GRIN3B: variants seen among roughly 807,000 people sequenced by gnomAD.
The protein encoded by GRIN3B is glutamate receptor ionotropic, NMDA 3B.
In GRIN3B, 77 loss-of-function variants were observed where a neutral mutation model predicts 66.0. That is an observed-to-expected ratio of 1.17 (90% CI 0.97 to 1.41). GRIN3B has a LOEUF of 1.41. Ranked by LOEUF, GRIN3B falls within the 40% of genes most tolerant of loss-of-function variation. The probability of loss-of-function intolerance (pLI) is 0.00; values close to 1 mark genes in which losing one functional copy is unlikely to be tolerated. For synonymous variants in GRIN3B, 823 were observed against 749.7 expected (o/e 1.10, Z -1.60); for missense variants, 1,787 against 1,564.5 (o/e 1.14, Z -2.40).
Position 1,000,830 on chromosome 19 carries a change from GCGGCGGGAGGCGCGCGCGCCCCT to G in GRIN3B, c.397_419del (p.Arg133SerfsTer89). On this transcript the variant is annotated frameshift_variant, in exon 1 of 9. Coordinates refer to ENST00000234389, the MANE Select transcript of GRIN3B (RefSeq NM_138690.3). LOFTEE classifies it high-confidence loss of function. ...CCGAGACCCCCGTGCTCAGCCTGCTGCGGCGGGAGGCGCGCGCGCCCCTCGGAGCCCCGGTACGCGGGACGCCC... is the reference window on the plus strand; with the variant it reads ...CCGAGACCCCCGTGCTCAGCCTGCTGCGGAGCCCCGGTACGCGGGACGCCC... 6.9e-7 allele frequency: 1 copy of G among 1,439,380 alleles called. No homozygotes were observed. Among genetic ancestry groups the G allele is most frequent in the Non-Finnish European group, 9.1e-7 (1 of 1,102,976 alleles). 89.2% of individuals were successfully genotyped at this position (1,439,380 alleles called of 1,614,324 possible).
rs545736648 is a variant in GRIN3B, at chr19:1,007,861, A to AC, written c.2211dup (p.Lys738GlnfsTer34). On this transcript the variant is annotated frameshift_variant, in exon 5 of 9. Transcript: ENST00000234389. LOFTEE classifies it high-confidence loss of function. The surrounding 1 kb of genome is among the most constrained non-coding windows in gnomAD (Gnocchi z 4.4). ...CCCGCCCCCGGCCCCAGCAGGAGCG[A>AC]CCCCCCCAAGCTCAACGCCTTCATC... 9.8e-4 allele frequency: 1,482 copies of AC among 1,515,508 alleles called. 1 individual carries two copies. Among genetic ancestry groups the AC allele is most frequent in the African/African-American group, 2.5e-3 (179 of 72,476 alleles). The allele number at this position is 1,515,508 out of a possible 1,614,324, so 93.9% of individuals were successfully genotyped here. A position where few individuals can be genotyped will look rare whatever the true frequency, so the allele number is the denominator to read the frequency against.
rs566529332 is a variant in GRIN3B at position 1,005,544 on chromosome 19, C to T, written c.2043C>T (p.His681=). The T allele has an allele frequency of 1.4e-5, 22 of 1,598,522 alleles. No individual in the cohort carries two copies. The highest frequency in any genetic ancestry group is 2.2e-5 in the East Asian group (1 of 44,510). ...CCTTCGAGGAGCTGTCGGGGATCCA[C>T]GACCCCAAGGTGGGCGGCCTCGGGG... ...DKTFEELSGI[H]DPKLHHPAQG... is the part of the protein sequence containing the mutation. The change falls in exon 3 of 9, where the codon CAC becomes CAT. Residue 681 remains histidine, a synonymous_variant. Coordinates refer to ENST00000234389, the MANE Select transcript of GRIN3B (RefSeq NM_138690.3). The surrounding 1 kb of genome is among the most constrained non-coding windows in gnomAD (Gnocchi z 5.2).
At chr19:1,002,813 G>A in intron 1 of GRIN3B, 1 of 294,626 alleles carries the variant, frequency 3.4e-6, no homozygotes, top group East Asian at 5.4e-5. Flanking sequence ...GGTTTTGAAG[G>A]ATGTGTAGGA....
chr19:1,007,646 G>A lies in GRIN3B; in HGVS notation c.2071G>A (p.Gly691Ser). ...CGCGCAGCTGCACCACCCGGCGCAG[G>A]GCTTCCGCTTCGGCACCGTGTGGGA... ...HDPKLHHPAQ[G>S]FRFGTVWESS... The change falls in exon 4 of 9, where the codon GGC becomes AGC. Residue 691 changes from glycine to serine, a missense_variant. Transcript: ENST00000234389. This position sits in a 1 kb window ranked among gnomAD's most constrained non-coding sequence, Gnocchi z 4.4. 1.3e-6 allele frequency: 2 copies of A among 1,523,098 alleles called. No homozygotes were observed. The highest frequency in any genetic ancestry group is 1.8e-6 in the Non-Finnish European group (2 of 1,138,110). The allele number at this position is 1,523,098 out of a possible 1,614,324, so 94.3% of individuals were successfully genotyped here.
At chr19:1,003,059 C>G in intron 1 of GRIN3B, 71 bp from the exon 2 acceptor site, 1 of 1,132,552 alleles carries the variant, frequency 8.8e-7, no homozygotes, top group South Asian at 1.8e-5. Flanking sequence ...GCGGATCACC[C>G]GCTGCTGGGG....
rs1337838530 is a variant in GRIN3B at position 1,005,465 on chromosome 19, T to C, written c.1964T>C (p.Leu655Pro). The change falls in exon 3 of 9, where the codon CTG (leucine) becomes CCG (proline). Residue 655 changes from leucine to proline, a missense_variant. Physicochemically the swap from Leu to Pro is moderately conservative, Grantham distance 98. Transcript: ENST00000234389. The surrounding 1 kb of genome is among the most constrained non-coding windows in gnomAD (Gnocchi z 5.2). ...LMNLWAIFCL[L>P]VLSSYTANLA... ...AACCTCTGGGCCATCTTCTGCCTGC[T>C]GGTGCTGTCCAGCTACACGGCCAAC... 6.2e-7 allele frequency: 1 copy of C among 1,613,470 alleles called. No individual in the cohort carries two copies. The highest frequency in any genetic ancestry group is 1.7e-5 in the Admixed American group (1 of 60,020).
chr19:1,000,613 G>C lies in GRIN3B; in HGVS notation c.176G>C (p.Arg59Pro). The change falls in exon 1 of 9, where the codon CGG becomes CCG. Residue 59 changes from arginine (R) to proline (P), a missense_variant. By Grantham distance (103) the Arg-to-Pro change is moderately radical (BLOSUM62 -2). Transcript: ENST00000234389. ...GCCCGCGCCCGCGCCGCCCTGGCCC[G>C]GGCCGCCCTGGCGCCGCGGCTGCCG... ...ARARARAALA[R>P]AALAPRLPHN... 3 of 1,118,850 alleles carry C rather than the reference G, an allele frequency of 2.7e-6. No homozygotes were observed. Among genetic ancestry groups the C allele is most frequent in the Non-Finnish European group, 3.3e-6 (3 of 918,726 alleles). 69.3% of individuals were successfully genotyped at this position (1,118,850 alleles called of 1,614,324 possible). A position where few individuals can be genotyped will look rare whatever the true frequency, so the allele number is the denominator to read the frequency against.
Position 1,008,839 on chromosome 19 carries a change from G to T in GRIN3B, c.2632-18G>T. On this transcript the variant is annotated intron_variant, in intron 7 of 8. Transcript: ENST00000234389. ...CCCCCCCCGCCTCCTCGCCAACCGGGTCTGTCTGGGGTCTTAGAAAATCCA... is the reference window on the plus strand; with the variant it reads ...CCCCCCCCGCCTCCTCGCCAACCGGTTCTGTCTGGGGTCTTAGAAAATCCA... 6.2e-7 allele frequency: 1 copy of T among 1,601,560 alleles called. No homozygotes were observed. The highest frequency in any genetic ancestry group is 2.3e-5 in the East Asian group (1 of 44,060).
chr19:1,005,098 AG>A lies in GRIN3B; in HGVS notation c.1598del (p.Ser533IlefsTer114), dbSNP rs2038731920. 1 of 1,612,444 alleles carries A rather than the reference AG, an allele frequency of 6.2e-7. No homozygotes were observed. Among genetic ancestry groups the A allele is most frequent in the African/African-American group, 1.3e-5 (1 of 74,926 alleles). Reference sequence around the variant, plus strand: ...GGCCCACATGGCGGTCACCAGCTTCAGTATCAACTCCGCCCGCTCACAGGTG... The same window carrying A: ...GGCCCACATGGCGGTCACCAGCTTCATATCAACTCCGCCCGCTCACAGGTG... The part of the protein sequence containing the change: ...GRAHMAVTSF[S>X]INSARSQVVD... On this transcript the variant is annotated frameshift_variant, in exon 3 of 9. Transcript: ENST00000234389. LOFTEE classifies it high-confidence loss of function. This position sits in a 1 kb window ranked among gnomAD's most constrained non-coding sequence, Gnocchi z 5.2.
intron 2 of GRIN3B, among the ~76,000 whole-genome samples, 148 bp from the exon 3 acceptor site, chr19:1,004,360 TTAGGCTTGGGGAC>T (rs1182449781): frequency 4.0e-5 from 6 of 151,682 alleles, no homozygotes; most frequent in Non-Finnish European, 7.4e-5. Flanking sequence ...GATCAAGGGG[TTAGGCTTGGGGAC>T]TAGGCTTGGG....
chr19:1,004,519 A>G lies in GRIN3B; in HGVS notation c.1020-2A>G, dbSNP rs1338116917. 1 of 1,348,264 alleles carries G rather than the reference A, an allele frequency of 7.4e-7. No homozygotes were observed. The highest frequency in any genetic ancestry group is 1.5e-5 in the African/African-American group (1 of 66,896). The allele number at this position is 1,348,264 out of a possible 1,614,324, so 83.5% of individuals were successfully genotyped here. A position where few individuals can be genotyped will look rare whatever the true frequency, so the allele number is the denominator to read the frequency against. On this transcript the variant is annotated splice_acceptor_variant, in intron 2 of 8. Coordinates refer to ENST00000234389, the MANE Select transcript of GRIN3B (RefSeq NM_138690.3). LOFTEE classifies it high-confidence loss of function. ...CTGACACCCCCCCCGCCCTGCCCCTAGGTTCCTGGCCAACACGTCCTTCCA... is the reference window on the plus strand; with the variant it reads ...CTGACACCCCCCCCGCCCTGCCCCTGGGTTCCTGGCCAACACGTCCTTCCA...
chr19:1,009,385 C>T lies in GRIN3B; in HGVS notation c.2915C>T (p.Ala972Val). Residue 972 changes from alanine to valine, a missense_variant, in exon 9 of 9, where the codon GCA (alanine) becomes GTA (valine). Ala to Val is a moderately conservative substitution (Grantham distance 64). Coordinates refer to ENST00000234389, the MANE Select transcript of GRIN3B (RefSeq NM_138690.3). ...TGCTCCTACGGCCGCCCGCCCGCCG[C>T]AAGGCCCACGGGGGCCCCCCAGCCC... is the stretch of plus-strand genomic sequence containing the variant. ...WLCSYGRPPA[A>V]RPTGAPQPGE... The T allele has an allele frequency of 1.4e-6, 2 of 1,389,140 alleles. No individual in the cohort carries two copies. The highest frequency in any genetic ancestry group is 3.1e-5 in the South Asian group (2 of 65,022). The allele number at this position is 1,389,140 out of a possible 1,614,324, so 86.1% of individuals were successfully genotyped here. A position where few individuals can be genotyped will look rare whatever the true frequency, so the allele number is the denominator to read the frequency against.
Position 1,003,480 on chromosome 19 carries a change from G to A in GRIN3B, c.777G>A (p.Leu259=). 2.0e-6 allele frequency: 3 copies of A among 1,537,978 alleles called. No individual in the cohort carries two copies. Among genetic ancestry groups the A allele is most frequent in the East Asian group, 4.9e-5 (2 of 41,066 alleles). The change falls in exon 2 of 9, where the codon CTG becomes CTA. Residue 259 remains leucine (L), a synonymous_variant. Coordinates refer to ENST00000234389, the MANE Select transcript of GRIN3B (RefSeq NM_138690.3). ...CCGTACCTCCCGGCCCCCACTGGCT[G>A]TTGGGGACACCACTGCCGCCCAAGG... ...LEAVPPGPHW[L]LGTPLPPKAL... is the part of the protein sequence containing the mutation.
intron 6 of GRIN3B, 36 bp from the exon 7 acceptor site, chr19:1,008,582 C>T (rs1402822044): frequency 1.9e-6 from 3 of 1,579,790 alleles, no homozygotes; most frequent in South Asian, 1.1e-5. Context: ...CCTGCCATTA[C>T]GTGACCGTGC....
In GRIN3B at chr19:1,009,185, G is replaced by A. The variant is rs2038806416; in HGVS notation, c.2715G>A (p.Val905=). 6.8e-7 allele frequency: 1 copy of A among 1,473,742 alleles called. No individual in the cohort carries two copies. Among genetic ancestry groups the A allele is most frequent in the South Asian group, 1.3e-5 (1 of 74,790 alleles). The allele number at this position is 1,473,742 out of a possible 1,614,324, so 91.3% of individuals were successfully genotyped here. Residue 905 remains valine, a synonymous_variant, in exon 9 of 9, where the codon GTG becomes GTA. Coordinates refer to ENST00000234389, the MANE Select transcript of GRIN3B (RefSeq NM_138690.3). ...GTTCCGTCCCCAGCGGCCCCGAGGTGGAGCAGCAGCAGCAGCAGCAGGACC... is the reference window on the plus strand; with the variant it reads ...GTTCCGTCCCCAGCGGCCCCGAGGTAGAGCAGCAGCAGCAGCAGCAGGACC... ...TAEAEPSGPE[V]EQQQQQQDQP...
intron 1 of GRIN3B, among the ~76,000 whole-genome samples, chr19:1,001,256 C>G (rs1349354095): frequency 1.3e-5 from 2 of 152,004 alleles, no homozygotes; most frequent in Non-Finnish European, 2.9e-5. Context: ...CTGGTCCCCA[C>G]CCGGCTCTGG....
At position 1,003,468 on chromosome 19, in the gene GRIN3B, C is replaced by A. The variant is rs1449136035; in HGVS notation, c.765C>A (p.Gly255=). 6.5e-7 allele frequency: 1 copy of A among 1,538,134 alleles called. No homozygotes were observed. Among genetic ancestry groups the A allele is most frequent in the Non-Finnish European group, 8.7e-7 (1 of 1,147,010 alleles). Residue 255 remains glycine, a synonymous_variant, in exon 2 of 9, where the codon GGC becomes GGA. Coordinates refer to ENST00000234389, the MANE Select transcript of GRIN3B (RefSeq NM_138690.3). ...GGGTGCTGGAGGCCGTACCTCCCGGCCCCCACTGGCTGTTGGGGACACCAC... is the reference window on the plus strand; with the variant it reads ...GGGTGCTGGAGGCCGTACCTCCCGGACCCCACTGGCTGTTGGGGACACCAC... ...ARRVLEAVPP[G]PHWLLGTPLP...
At chr19:1,008,030 T>G in intron 5 of GRIN3B, 59 bp downstream of exon 5, 2 of 1,588,588 alleles carry the variant, frequency 1.3e-6, no homozygotes, top group East Asian at 4.5e-5. Flanking sequence ...CTGGGGGCAG[T>G]GGGGAGCCAC....
rs139902127 is a variant in GRIN3B at position 1,008,129 on chromosome 19, C to T, written c.2315-11C>T. The T allele has an allele frequency of 2.1e-4, 331 of 1,583,500 alleles. 1 individual carries two copies. The highest frequency in any genetic ancestry group is 2.6e-4 in the Non-Finnish European group (299 of 1,164,988). On this transcript the variant is annotated splice_polypyrimidine_tract_variant and intron_variant, in intron 5 of 8. Coordinates refer to ENST00000234389, the MANE Select transcript of GRIN3B (RefSeq NM_138690.3). Reference sequence around the variant, plus strand: ...CCCACCTGGCCCCACCGCCTGGCCCCGCGCCCCCAGGCTATGGGATCGGAC... The same window carrying T: ...CCCACCTGGCCCCACCGCCTGGCCCTGCGCCCCCAGGCTATGGGATCGGAC...
Sources: gnomAD v4.1 joint callset for allele counts (sites outside exome capture counted in the v4.1 genomes callset) on GRCh38, gnomAD v4.1.1 for gene constraint, Gnocchi (gnomAD v3.1) non-coding constraint, MANE v1.5 for transcripts, NCBI Gene and HGNC (gene_info 2026-07-23, HGNC 2026-07-21) for gene names.